The following TRUB2 variants were observed in gnomAD, a reference collection of about 807,000 sequenced individuals.
The protein encoded by TRUB2 is TruB pseudouridine synthase family member 2, also known as pseudouridylate synthase TRUB2, mitochondrial.
In TRUB2, 31 loss-of-function variants were observed where a neutral mutation model predicts 31.9. The ratio of observed to expected loss-of-function variants is 0.97; its 90% confidence interval spans 0.73 to 1.31. TRUB2 has a LOEUF of 1.31. TRUB2 is among the 50% of genes most tolerant of loss of function. The pLI, the probability that TRUB2 is intolerant of heterozygous loss-of-function variation, is 0.00. For missense variants in TRUB2, 451 were observed against 439.6 expected, an observed-to-expected ratio of 1.03 and a Z score of -0.23; for synonymous variants, 201 against 182.6, an observed-to-expected ratio of 1.10 and a Z score of -0.81.
rs1210327396 is a variant in TRUB2 at position 128,309,301 on chromosome 9, A to T, written c.*249T>A. 3 of 490,356 alleles carry T rather than the reference A, an allele frequency of 6.1e-6. No homozygotes were observed. The highest frequency in any genetic ancestry group is 1.1e-5 in the Non-Finnish European group (3 of 271,212). The allele number at this position is 490,356 out of a possible 1,614,324, so 30.4% of individuals were successfully genotyped here. ...CTCAGCCTTGGGAGTAGCTGGGATT[A>T]CAAGTGCCCGCCACCACGCCTGGTC... On this transcript the variant is annotated 3_prime_UTR_variant, in exon 8 of 8. Coordinates refer to ENST00000372890, the MANE Select transcript of TRUB2 (RefSeq NM_015679.3).
rs78278964 is a variant in TRUB2, at chr9:128,309,446, C to G, written c.*104G>C. 3.1e-6 allele frequency: 4 copies of G among 1,274,470 alleles called. No individual in the cohort carries two copies. The highest frequency in any genetic ancestry group is 4.3e-6 in the Non-Finnish European group (4 of 926,774). 78.9% of individuals were successfully genotyped at this position (1,274,470 alleles called of 1,614,324 possible). A position where few individuals can be genotyped will look rare whatever the true frequency, so the allele number is the denominator to read the frequency against. ...GTTACAGCTTGAGTTTTGTGTCTTA[C>G]GTAGAAAAGGTGCCCCTGCTCTCAC... On this transcript the variant is annotated 3_prime_UTR_variant, in exon 8 of 8. Coordinates refer to ENST00000372890, the MANE Select transcript of TRUB2 (RefSeq NM_015679.3).
At position 128,309,413 on chromosome 9, in the gene TRUB2, A is replaced by T; in HGVS notation, c.*137T>A. The T allele has an allele frequency of 1.1e-6, 1 of 932,432 alleles. No homozygotes were observed. The highest frequency in any genetic ancestry group is 1.7e-5 in the South Asian group (1 of 59,934). The allele number at this position is 932,432 out of a possible 1,614,324, so 57.8% of individuals were successfully genotyped here. A position where few individuals can be genotyped will look rare whatever the true frequency, so the allele number is the denominator to read the frequency against. ...CTTCTCAGTTGGGTCAAGTCCATTG[A>T]CCTTTCTGTTACAGCTTGAGTTTTG... On this transcript the variant is annotated 3_prime_UTR_variant, in exon 8 of 8. Coordinates refer to ENST00000372890, the MANE Select transcript of TRUB2 (RefSeq NM_015679.3).
intron 4 of TRUB2, among the ~76,000 whole-genome samples, chr9:128,314,542 C>T (rs1018758648): frequency 2.0e-5 from 3 of 152,010 alleles, no homozygotes; most frequent in South Asian, 2.1e-4. Flanking sequence ...GAGACAGAGG[C>T]GGGTGGATCG....
chr9:128,321,744 G>C lies in TRUB2; in HGVS notation c.110-14C>G. Reference sequence around the variant, plus strand: ...TGGCATTGAGACCTGAACACACAGAGATAATATATACACACATACATACAA... The same window carrying C: ...TGGCATTGAGACCTGAACACACAGACATAATATATACACACATACATACAA... On this transcript the variant is annotated splice_polypyrimidine_tract_variant and intron_variant, in intron 1 of 7. Transcript: ENST00000372890. The C allele has an allele frequency of 6.2e-7, 1 of 1,611,900 alleles. No homozygotes were observed. The highest frequency in any genetic ancestry group is 8.5e-7 in the Non-Finnish European group (1 of 1,179,438).
chr9:128,314,536 C>T (rs1832035212), intron 4 of TRUB2, among the ~76,000 whole-genome samples: 1 of 152,082 alleles, frequency 6.6e-6, no homozygotes, highest in South Asian at 2.1e-4. Flanking sequence ...CTTTGGGAGA[C>T]AGAGGCGGGT....
At chr9:128,320,426 G>A (rs765391156) in intron 2 of TRUB2, among the ~76,000 whole-genome samples, 5 of 151,662 alleles carry the variant, frequency 3.3e-5, no homozygotes, top group African/African-American at 4.8e-5. Flanking sequence ...TCCGACTCCC[G>A]GGTTCAAGCA....
rs1436533971 is a variant in TRUB2 at position 128,309,479 on chromosome 9, A to G, written c.*71T>C. 15 of 1,485,240 alleles carry G rather than the reference A, an allele frequency of 1.0e-5. No homozygotes were observed. The highest frequency in any genetic ancestry group is 1.4e-5 in the African/African-American group (1 of 71,494). The allele number at this position is 1,485,240 out of a possible 1,614,324, so 92.0% of individuals were successfully genotyped here. A position where few individuals can be genotyped will look rare whatever the true frequency, so the allele number is the denominator to read the frequency against. On this transcript the variant is annotated 3_prime_UTR_variant, in exon 8 of 8. Coordinates refer to ENST00000372890, the MANE Select transcript of TRUB2 (RefSeq NM_015679.3). ...AGGTGCCCCTGCTCTCACTTTCTGCACAGCTATCAGGTCCAGCTCATAGCA... is the reference window on the plus strand; with the variant it reads ...AGGTGCCCCTGCTCTCACTTTCTGCGCAGCTATCAGGTCCAGCTCATAGCA...
At chr9:128,314,257 G>A (rs539668149) in intron 4 of TRUB2, among the ~76,000 whole-genome samples, 2 of 152,178 alleles carry the variant, frequency 1.3e-5, no homozygotes, top group Admixed American at 1.3e-4. Context: ...GGTACTGACC[G>A]CTGACAGCCA....
chr9:128,313,621 T>TA (rs1832016291), intron 5 of TRUB2, among the ~76,000 whole-genome samples, 187 bp downstream of exon 5: 1 of 151,904 alleles, frequency 6.6e-6, no homozygotes, highest in Non-Finnish European at 1.5e-5. Context: ...GAAGTGACGT[T>TA]ACATTTGAGC....
intron 5 of TRUB2, 100 bp from the exon 6 acceptor site, chr9:128,311,701 A>G (rs1263697423): frequency 1.5e-6 from 2 of 1,321,172 alleles, no homozygotes; most frequent in South Asian, 1.2e-5. Context: ...GAACATGGAG[A>G]GAGGATGTTT....
chr9:128,313,233 A>T (rs1832005224), intron 5 of TRUB2, among the ~76,000 whole-genome samples: 1 of 146,958 alleles, frequency 6.8e-6, no homozygotes, highest in Admixed American at 6.8e-5. Flanking sequence ...AAAAAAAGAA[A>T]AGAAAAGGAA....
At chr9:128,312,429 A>G (rs921411813) in intron 5 of TRUB2, among the ~76,000 whole-genome samples, 1 of 140,936 alleles carries the variant, frequency 7.1e-6, no homozygotes, top group African/African-American at 2.6e-5. Flanking sequence ...TGAGCCACCG[A>G]ACCTGGCCTT....
intron 1 of TRUB2, among the ~76,000 whole-genome samples, chr9:128,321,983 C>A (rs369399100): frequency 2.6e-5 from 4 of 152,186 alleles, no homozygotes. Context: ...GGGGATTAGA[C>A]AACAGGGAAG....
At chr9:128,311,718 G>A in intron 5 of TRUB2, 117 bp from the exon 6 acceptor site, 2 of 1,081,982 alleles carry the variant, frequency 1.8e-6, no homozygotes, top group Non-Finnish European at 2.8e-6. Flanking sequence ...GTTTTGGAGG[G>A]ATCCCCATGG....
Position 128,309,464 on chromosome 9 carries a change from G to T in TRUB2, c.*86C>A. ...TGTCTTACGTAGAAAAGGTGCCCCT[G>T]CTCTCACTTTCTGCACAGCTATCAG... On this transcript the variant is annotated 3_prime_UTR_variant, in exon 8 of 8. Coordinates refer to ENST00000372890, the MANE Select transcript of TRUB2 (RefSeq NM_015679.3). The T allele has an allele frequency of 7.1e-7, 1 of 1,408,750 alleles. No homozygotes were observed. The highest frequency in any genetic ancestry group is 9.6e-7 in the Non-Finnish European group (1 of 1,040,556). The allele number at this position is 1,408,750 out of a possible 1,614,324, so 87.3% of individuals were successfully genotyped here. A position where few individuals can be genotyped will look rare whatever the true frequency, so the allele number is the denominator to read the frequency against.
chr9:128,315,970 T>C (rs140841187), intron 3 of TRUB2: 51 of 274,638 alleles, frequency 1.9e-4, no homozygotes, highest in African/African-American at 9.4e-4. Flanking sequence ...GTATAATCTT[T>C]AGCCTCTTTG....
At chr9:128,316,905 A>G in intron 3 of TRUB2, 1 of 488,256 alleles carries the variant, frequency 2.0e-6, no homozygotes, top group East Asian at 3.4e-5. Flanking sequence ...ATAAATGTGC[A>G]TAAAGGGCCT....
chr9:128,320,118 G>A (rs1327666476), intron 2 of TRUB2, among the ~76,000 whole-genome samples: 3 of 150,820 alleles, frequency 2.0e-5, no homozygotes, highest in African/African-American at 7.3e-5. Context: ...GGGTATCACC[G>A]TATTAGCCAG....
At position 128,313,871 on chromosome 9, in the gene TRUB2, G is replaced by A. The variant is rs116646005; in HGVS notation, c.397C>T (p.Leu133Phe). The A allele has an allele frequency of 7.7e-4, 1,245 of 1,614,182 alleles. 9 individuals carry two copies. In the African/African-American group the frequency reaches 0.016, roughly 20 times the overall value. ...HLTKDYTVRG[L>F]LGKATDDFRE... is the part of the protein sequence containing the mutation. ...AAGTCATCTGTAGCTTTGCCCAGGA[G>A]GCCACGCACTGTGTAATCCTTCAAG... Residue 133 changes from leucine (L) to phenylalanine (F), a missense_variant, in exon 5 of 8, where the codon CTC (leucine) becomes TTC (phenylalanine). Transcript: ENST00000372890.
Sources: allele counts gnomAD v4.1 joint callset (sites outside exome capture counted in the v4.1 genomes callset), GRCh38; gene constraint gnomAD v4.1.1; transcripts MANE v1.5; gene names NCBI Gene and HGNC (gene_info 2026-07-23, HGNC 2026-07-21).